The following SLC4A9 variants were observed in gnomAD, a reference collection of about 807,000 sequenced individuals.
SLC4A9 encodes anion exchange protein 4.
SLC4A9 carries 102 observed loss-of-function variants against 103.2 expected under a neutral mutation model. The ratio of observed to expected loss-of-function variants is 0.99; its 90% CI spans 0.84 to 1.17. The LOEUF is 1.17. SLC4A9 is among the 50% of genes most tolerant of loss of function. The pLI, the probability that SLC4A9 is intolerant of heterozygous loss-of-function variation, is 0.00. For synonymous variants in SLC4A9, 453 were observed against 483.6 expected (o/e 0.94, Z 0.83); for missense variants, 1,091 against 1,193.7 (o/e 0.91, Z 1.27).
chr5:140,367,448 T>C lies in SLC4A9; in HGVS notation c.2042T>C (p.Val681Ala). The C allele has an allele frequency of 6.2e-7, 1 of 1,610,546 alleles. No individual in the cohort carries two copies. The highest frequency in any genetic ancestry group is 8.5e-7 in the Non-Finnish European group (1 of 1,178,722). Residue 681 changes from valine to alanine, a missense_variant, in exon 15 of 22, where the codon GTG (valine) becomes GCG (alanine). Coordinates refer to ENST00000506757, the MANE Select transcript of SLC4A9 (RefSeq NM_031467.3). Reference protein sequence around the residue: ...KPTLPGRGWLVSPFGANPWWW... With the variant: ...KPTLPGRGWLASPFGANPWWW... ...ACACTCCCTGGGCGTGGCTGGCTGG[T>C]GTCACCTTTTGGAGCCAACCCCTGG...
intron 6 of SLC4A9, 115 bp downstream of exon 6, chr5:140,362,647 G>T: frequency 8.8e-7 from 1 of 1,130,084 alleles, no homozygotes; most frequent in Non-Finnish European, 1.3e-6. Flanking sequence ...CTCTGTATGT[G>T]TCCCTAAATA....
At position 140,371,590 on chromosome 5, in the gene SLC4A9, A is replaced by G. The variant is rs770288277; in HGVS notation, c.2636A>G (p.Lys879Arg). Reference sequence around the variant, plus strand: ...TGTCTGGGGCTGCTTTGGATAATCAAGTCTACCCCTGCAGCCATCATCTTC... The same window carrying G: ...TGTCTGGGGCTGCTTTGGATAATCAGGTCTACCCCTGCAGCCATCATCTTC... ...LACLGLLWII[K>R]STPAAIIFPL... Residue 879 changes from lysine to arginine, a missense_variant, in exon 19 of 22, where the codon AAG (lysine) becomes AGG (arginine). By Grantham distance (26) the Lys-to-Arg change is conservative (BLOSUM62 2). Coordinates refer to ENST00000506757, the MANE Select transcript of SLC4A9 (RefSeq NM_031467.3). The G allele has an allele frequency of 1.2e-6, 2 of 1,613,982 alleles. No individual in the cohort carries two copies. Among genetic ancestry groups the G allele is most frequent in the Non-Finnish European group, 1.7e-6 (2 of 1,179,878 alleles).
Position 140,372,280 on chromosome 5 carries a change from G to C in SLC4A9, c.2709G>C (p.Arg903Ser), listed in dbSNP as rs751730127. The change falls in exon 20 of 22, where the codon AGG becomes AGC. Residue 903 changes from arginine (R) to serine (S), a missense_variant. By Grantham distance (110) the Arg-to-Ser change is moderately radical. Transcript: ENST00000506757. ...TGGGGGTCCGAAAGGCCCTGGAGAG[G>C]GTCTTCTCACCACAGGAACTCCTCT... is the stretch of plus-strand genomic sequence containing the variant. The part of the protein sequence containing the change: ...GLVGVRKALE[R>S]VFSPQELLWL... 6.3e-7 allele frequency: 1 copy of C among 1,597,276 alleles called. No individual in the cohort carries two copies. The highest frequency in any genetic ancestry group is 1.1e-5 in the South Asian group (1 of 88,376).
chr5:140,365,631 A>G, intron 12 of SLC4A9, 53 bp downstream of exon 12: 1 of 1,577,158 alleles, frequency 6.3e-7, no homozygotes, highest in Non-Finnish European at 8.7e-7. Context: ...AGACCAAGGC[A>G]GTCGGTGGTT....
rs1372625129 is a variant in SLC4A9, at chr5:140,360,828, G to A, written c.247G>A (p.Glu83Lys). 6 of 1,613,538 alleles carry A rather than the reference G, an allele frequency of 3.7e-6. No homozygotes were observed. Among genetic ancestry groups the A allele is most frequent in the Non-Finnish European group, 5.1e-6 (6 of 1,179,850 alleles). Residue 83 changes from glutamate (E) to lysine (K), a missense_variant, in exon 2 of 22, where the codon GAG (glutamate) becomes AAG (lysine). Glu to Lys is a moderately conservative substitution (Grantham distance 56, BLOSUM62 1). Coordinates refer to ENST00000506757, the MANE Select transcript of SLC4A9 (RefSeq NM_031467.3). ...RETGRWVLFE[E>K]KLEVAAGRWS... ...TCATCACAGGTGGGTACTGTTTGAG[G>A]AGAAGTTGGAGGTGGCTGCAGGCCG...
In SLC4A9 at chr5:140,363,059, C is replaced by T; in HGVS notation, c.955C>T (p.His319Tyr). Reference sequence around the variant, plus strand: ...CCCGCCCAAATGTCTGCCATCTCAGCACAAAAGGTACCTGGGAGCCATCAT... The same window carrying T: ...CCCGCCCAAATGTCTGCCATCTCAGTACAAAAGGTACCTGGGAGCCATCAT... ...IPPPKCLPSQ[H>Y]KRLPSQQREI... The change falls in exon 7 of 22, where the codon CAC (histidine) becomes TAC (tyrosine). Residue 319 changes from histidine (H) to tyrosine (Y), a missense_variant. Transcript: ENST00000506757. The surrounding 1 kb of genome is among the most constrained non-coding windows in gnomAD (Gnocchi z 4.5). 6.2e-7 allele frequency: 1 copy of T among 1,613,160 alleles called. No individual in the cohort carries two copies. Among genetic ancestry groups the T allele is most frequent in the Non-Finnish European group, 8.5e-7 (1 of 1,179,666 alleles).
chr5:140,371,518 A>G lies in SLC4A9; in HGVS notation c.2564A>G (p.His855Arg). Residue 855 changes from histidine (H) to arginine (R), a missense_variant, in exon 19 of 22, where the codon CAT becomes CGT. His to Arg is a conservative substitution (Grantham distance 29, BLOSUM62 0). Coordinates refer to ENST00000506757, the MANE Select transcript of SLC4A9 (RefSeq NM_031467.3). Reference protein sequence around the residue: ...KHQPDLLLLRHVPLTRVHLFT... With the variant: ...KHQPDLLLLRRVPLTRVHLFT... Reference sequence around the variant, plus strand: ...CAGCCAGACCTGCTACTCTTGCGGCATGTGCCTCTGACCAGGGTCCACCTC... The same window carrying G: ...CAGCCAGACCTGCTACTCTTGCGGCGTGTGCCTCTGACCAGGGTCCACCTC... The G allele has an allele frequency of 2.5e-6, 4 of 1,614,028 alleles. No homozygotes were observed. Among genetic ancestry groups the G allele is most frequent in the Non-Finnish European group, 3.4e-6 (4 of 1,179,884 alleles).
Position 140,371,626 on chromosome 5 carries a change from TA to T in SLC4A9, c.2670+4del, listed in dbSNP as rs1200115595. ...GCAGCCATCATCTTCCCCCTCATGG[TA>T]AGCTGAGGCAGGGTTGGGCTGTGTC... On this transcript the variant is annotated splice_donor_region_variant and intron_variant, in intron 19 of 21. Transcript: ENST00000506757. 6 of 1,613,896 alleles carry T rather than the reference TA, an allele frequency of 3.7e-6. No individual in the cohort carries two copies. In the African/African-American group the frequency reaches 8.0e-5, roughly 22 times the overall value.
At chr5:140,364,787 A>G (rs994587347) in intron 11 of SLC4A9, among the ~76,000 whole-genome samples, 162 bp downstream of exon 11, 10 of 152,248 alleles carry the variant, frequency 6.6e-5, no homozygotes, top group Non-Finnish European at 1.5e-4. Flanking sequence ...CAATTGAGAA[A>G]TAAGACAACA....
chr5:140,368,736 A>G (rs1768273116), intron 17 of SLC4A9, 77 bp downstream of exon 17: 1 of 1,257,016 alleles, frequency 8.0e-7, no homozygotes, highest in East Asian at 2.4e-5. Context: ...CAGTAGTTGA[A>G]TACTTACAGT....
intron 16 of SLC4A9, 73 bp from the exon 17 acceptor site, chr5:140,368,514 T>C: frequency 1.5e-6 from 2 of 1,345,586 alleles, no homozygotes; most frequent in Non-Finnish European, 2.1e-6. Flanking sequence ...GTACTGGTAT[T>C]CAGCCAGGAT....
At chr5:140,360,784 T>A in intron 1 of SLC4A9, 28 bp from the exon 2 acceptor site, 1 of 1,613,008 alleles carries the variant, frequency 6.2e-7, no homozygotes, top group Non-Finnish European at 8.5e-7. Context: ...ATGCCCTCAA[T>A]AACACTGTCT....
chr5:140,361,803 T>C lies in SLC4A9; in HGVS notation c.506-5T>C. The C allele has an allele frequency of 2.5e-6, 4 of 1,614,006 alleles. No homozygotes were observed. Among genetic ancestry groups the C allele is most frequent in the Non-Finnish European group, 3.4e-6 (4 of 1,179,878 alleles). ...TCTTAATCACTGCATAATCCTGTTTTGTAGGCTCTACTCATCCAAGAAAGG... is the reference window on the plus strand; with the variant it reads ...TCTTAATCACTGCATAATCCTGTTTCGTAGGCTCTACTCATCCAAGAAAGG... On this transcript the variant is annotated splice_region_variant and splice_polypyrimidine_tract_variant and intron_variant, in intron 3 of 21. Transcript: ENST00000506757.
rs772092063 is a variant in SLC4A9, at chr5:140,361,891, T to C, written c.561+28T>C. 14 of 1,432,574 alleles carry C rather than the reference T, an allele frequency of 9.8e-6. No individual in the cohort carries two copies. In the East Asian group the frequency reaches 1.8e-4, roughly 18 times the overall value. 88.7% of individuals were successfully genotyped at this position (1,432,574 alleles called of 1,614,324 possible). On this transcript the variant is annotated intron_variant, in intron 4 of 21. Coordinates refer to ENST00000506757, the MANE Select transcript of SLC4A9 (RefSeq NM_031467.3). ...TTGTGGCCCTTCCTTGGGGTCCCTT[T>C]CCAGTGGCTGGGAGAGGGGTTAGAA... is the stretch of plus-strand genomic sequence containing the variant.
Position 140,360,439 on chromosome 5 carries a change from A to G in SLC4A9, c.203A>G (p.Gln68Arg). ...CTGAATGAGCTGCTGGGCTGGCCCCAGGCGCTGGAGTGGAGAGAGACAGGC... is the reference window on the plus strand; with the variant it reads ...CTGAATGAGCTGCTGGGCTGGCCCCGGGCGCTGGAGTGGAGAGAGACAGGC... ...IQLNELLGWPQALEWRETGRW... is the reference protein window; with the variant it reads ...IQLNELLGWPRALEWRETGRW... Residue 68 changes from glutamine to arginine, a missense_variant, in exon 1 of 22, where the codon CAG becomes CGG. Coordinates refer to ENST00000506757, the MANE Select transcript of SLC4A9 (RefSeq NM_031467.3). 1 of 1,585,896 alleles carries G rather than the reference A, an allele frequency of 6.3e-7. No homozygotes were observed. Among genetic ancestry groups the G allele is most frequent in the South Asian group, 1.2e-5 (1 of 86,840 alleles).
chr5:140,367,162 CCTT>C (rs1768004907), intron 14 of SLC4A9, among the ~76,000 whole-genome samples: 1 of 152,232 alleles, frequency 6.6e-6, no homozygotes, highest in Admixed American at 6.5e-5. Flanking sequence ...TGTGCCACCT[CCTT>C]CTGTTCCAGG....
At chr5:140,364,899 G>C (rs988850828) in intron 11 of SLC4A9, among the ~76,000 whole-genome samples, 3 of 152,186 alleles carry the variant, frequency 2.0e-5, no homozygotes, top group African/African-American at 7.2e-5. Flanking sequence ...AAATTGAATA[G>C]ACTTACCCAC....
In SLC4A9 at chr5:140,364,606, C is replaced by A. The variant is rs913283016; in HGVS notation, c.1632C>A (p.Cys544Ter). 7 of 1,601,146 alleles carry A rather than the reference C, an allele frequency of 4.4e-6. No homozygotes were observed. The South Asian group carries it at 7.9e-5, about 18-fold the overall frequency. The change falls in exon 11 of 22, where the codon TGC becomes TGA. Residue 544 changes from cysteine (C) to a stop codon, truncating the protein, a stop_gained. Coordinates refer to ENST00000506757, the MANE Select transcript of SLC4A9 (RefSeq NM_031467.3). LOFTEE classifies it high-confidence loss of function. Reference protein sequence around the residue: ...KPGSSAYGCLCQYPGPGGNES... With the variant: ...KPGSSAYGCL ...GGTCCTCTGCCTACGGGTGCCTCTGCCAATACCCAGGCCCAGGAGGTGGGT... is the reference window on the plus strand; with the variant it reads ...GGTCCTCTGCCTACGGGTGCCTCTGACAATACCCAGGCCCAGGAGGTGGGT...
chr5:140,372,122 A>G, intron 19 of SLC4A9, 120 bp from the exon 20 acceptor site: 1 of 904,456 alleles, frequency 1.1e-6, no homozygotes. Flanking sequence ...GGAATGTGCT[A>G]GCATTCAGTG....
Sources: allele counts gnomAD v4.1 joint callset (sites outside exome capture counted in the v4.1 genomes callset), GRCh38; gene constraint gnomAD v4.1.1; non-coding constraint Gnocchi (gnomAD v3.1); transcripts MANE v1.5; gene names NCBI Gene and HGNC (gene_info 2026-07-23, HGNC 2026-07-21).